Variants in VPS13B observed in about 807,000 individuals in gnomAD.
VPS13B encodes the protein vacuolar protein sorting 13 homolog B, also known as intermembrane lipid transfer protein VPS13B.
A neutral mutation model predicts 426.4 loss-of-function variants in VPS13B; 285 were observed. That is an observed-to-expected ratio of 0.67 (90% CI 0.61 to 0.74). VPS13B has a LOEUF of 0.74. Among genes scored for constraint, VPS13B ranks in the 30% least tolerant of loss-of-function variants. VPS13B has a pLI of 0.00. For missense variants in VPS13B, 4,537 were observed against 4,782.6 expected, an observed-to-expected ratio of 0.95 and a Z score of 1.51; for synonymous variants, 1,676 against 1,676.4, an observed-to-expected ratio of 1.00 and a Z score of 0.01.
At chr8:99,141,704 A>G (rs1468487398) in intron 12 of VPS13B, among the ~76,000 whole-genome samples, 1 of 152,042 alleles carries the variant, frequency 6.6e-6, no homozygotes, top group Non-Finnish European at 1.5e-5. Context: ...ACTTTAAAAT[A>G]ATCTTTGCAC....
chr8:99,562,780 A>G (rs1048142414), intron 31 of VPS13B, among the ~76,000 whole-genome samples: 1 of 152,164 alleles, frequency 6.6e-6, no homozygotes, highest in Admixed American at 6.5e-5. Flanking sequence ...GTCATCATTT[A>G]CTAAAGATAC....
chr8:99,849,012 A>C, intron 55 of VPS13B, 118 bp downstream of exon 55: 2 of 962,708 alleles, frequency 2.1e-6, no homozygotes, highest in Non-Finnish European at 3.3e-6. Flanking sequence ...GTTAATTATC[A>C]TGTAATCCAT....
At chr8:99,436,402 C>T (rs979283680) in intron 22 of VPS13B, among the ~76,000 whole-genome samples, 42 of 151,920 alleles carry the variant, frequency 2.8e-4, no homozygotes, top group African/African-American at 9.7e-4. Context: ...CTTTTTTAAT[C>T]TCTAATTATG....
At chr8:99,200,596 G>A (rs1247406543) in intron 17 of VPS13B, among the ~76,000 whole-genome samples, 3 of 152,020 alleles carry the variant, frequency 2.0e-5, no homozygotes, top group African/African-American at 7.2e-5. Context: ...AGCCATCATT[G>A]TAGGTGTGAA....
chr8:99,438,773 T>C (rs1262498171), intron 22 of VPS13B, among the ~76,000 whole-genome samples: 2 of 152,202 alleles, frequency 1.3e-5, no homozygotes, highest in African/African-American at 4.8e-5. Context: ...GGTGATAGTT[T>C]ATATATTTGT....
intron 39 of VPS13B, among the ~76,000 whole-genome samples, chr8:99,740,984 A>C (rs1333746219): frequency 3.3e-5 from 5 of 152,192 alleles, no homozygotes; most frequent in African/African-American, 1.2e-4. Context: ...TATTAACCTT[A>C]AATGTAAATG....
intron 6 of VPS13B, among the ~76,000 whole-genome samples, chr8:99,113,678 C>A (rs186635122): frequency 1.2e-3 from 186 of 152,238 alleles, no homozygotes; most frequent in African/African-American, 4.2e-3. Context: ...GATTCTCCTG[C>A]CTCAGCTTCC....
At chr8:99,210,732 A>G (rs542082588) in intron 17 of VPS13B, among the ~76,000 whole-genome samples, 29 of 152,108 alleles carry the variant, frequency 1.9e-4, no homozygotes, top group Admixed American at 1.8e-3. Context: ...TAGCCTCCCA[A>G]GTAGCTGGGA....
intron 2 of VPS13B, among the ~76,000 whole-genome samples, chr8:99,033,029 A>G (rs1398278799): frequency 6.6e-6 from 1 of 152,146 alleles, no homozygotes; most frequent in Non-Finnish European, 1.5e-5. Context: ...CAACTATACA[A>G]TTTTATCATT....
chr8:99,505,085 T>A (rs187433469), intron 27 of VPS13B, among the ~76,000 whole-genome samples: 1 of 152,364 alleles, frequency 6.6e-6, no homozygotes. Context: ...CTTCTGCAGC[T>A]TTCTTACTTC....
chr8:99,871,722 C>A lies in VPS13B; in HGVS notation c.11745+25C>A, dbSNP rs754175534. The A allele has an allele frequency of 2.5e-6, 4 of 1,612,260 alleles. No homozygotes were observed. In the African/African-American group the frequency reaches 5.3e-5, roughly 22 times the overall value. On this transcript the variant is annotated intron_variant, in intron 61 of 61. Transcript: ENST00000357162. ...GGTACGTTTCAGAAAACAGGGCAAC[C>A]AAGACTAGCTGGCCAGGGAGGTTGA...
intron 17 of VPS13B, among the ~76,000 whole-genome samples, chr8:99,250,611 A>AT (rs1413687069): frequency 8.9e-6 from 1 of 112,494 alleles, no homozygotes; most frequent in Non-Finnish European, 1.8e-5. Context: ...TATCTGGCAT[A>AT]TTTTTGTCTC....
intron 43 of VPS13B, among the ~76,000 whole-genome samples, chr8:99,793,634 C>A (rs547392476): frequency 6.6e-6 from 1 of 152,176 alleles, no homozygotes; most frequent in East Asian, 1.9e-4. Flanking sequence ...TGATGTGTTG[C>A]TAGTTTTGCT....
chr8:99,662,825 T>A (rs1441914502), intron 35 of VPS13B, among the ~76,000 whole-genome samples: 2 of 152,126 alleles, frequency 1.3e-5, no homozygotes, highest in Non-Finnish European at 2.9e-5. Flanking sequence ...GATAGGCAGA[T>A]CACTTGAGAC....
At position 99,233,630 on chromosome 8, in the gene VPS13B, A is replaced by G. The variant is rs577055052; in HGVS notation, c.2516-40568A>G. 6 of 1,151,340 alleles carry G rather than the reference A, an allele frequency of 5.2e-6. No individual in the cohort carries two copies. The African/African-American group carries it at 6.0e-5, about 12-fold the overall frequency. 71.3% of individuals were successfully genotyped at this position (1,151,340 alleles called of 1,614,324 possible). A position where few individuals can be genotyped will look rare whatever the true frequency, so the allele number is the denominator to read the frequency against. On this transcript the variant is annotated intron_variant, in intron 17 of 61. Transcript: ENST00000357162. ...CTCACGCAGCTTCTTCATAATCTCC[A>G]TCTCAGCACTGGCATAGGCCTCCAC...
chr8:99,720,839 A>T (rs1833103032), intron 38 of VPS13B, 24 bp from the exon 39 acceptor site: 1 of 1,593,454 alleles, frequency 6.3e-7, no homozygotes, highest in African/African-American at 1.3e-5. Flanking sequence ...AAATCATACA[A>T]TTAATTATAC....
rs1399719406 is a variant in VPS13B at position 99,853,446 on chromosome 8, T to G, written c.10062-5T>G. 6.2e-7 allele frequency: 1 copy of G among 1,614,160 alleles called. No homozygotes were observed. Among genetic ancestry groups the G allele is most frequent in the South Asian group, 1.1e-5 (1 of 91,038 alleles). Reference sequence around the variant, plus strand: ...GACTAATGTTCTTGTCCCTTTCTCCTCTAGAGCGCCAGAGAAGATTGTTAC... The same window carrying G: ...GACTAATGTTCTTGTCCCTTTCTCCGCTAGAGCGCCAGAGAAGATTGTTAC... On this transcript the variant is annotated splice_polypyrimidine_tract_variant and splice_region_variant and intron_variant, in intron 55 of 61. Transcript: ENST00000357162.
intron 25 of VPS13B, among the ~76,000 whole-genome samples, chr8:99,489,765 CTT>C (rs959450448): frequency 2.6e-5 from 4 of 152,314 alleles, no homozygotes; most frequent in African/African-American, 9.6e-5. Context: ...TATCCTGAGA[CTT>C]TGCCAAAGTT....
At position 99,582,496 on chromosome 8, in the gene VPS13B, T is replaced by A. The variant is rs373871538; in HGVS notation, c.5220+4863T>A. The stretch of plus-strand genomic sequence containing the variant: ...TCTGCACTTCCTTTCTACACTTCCA[T>A]CTTCCCAGTATTCTTATATCATATT... On this transcript the variant is annotated intron_variant, in intron 33 of 61. Transcript: ENST00000357162. Among the ~76,000 whole-genome samples, 28 of 152,352 alleles carry A rather than the reference T, an allele frequency of 1.8e-4. 2 individuals carry two copies. The highest frequency in any genetic ancestry group is 6.5e-4 in the African/African-American group (27 of 41,594).
Sources: gnomAD v4.1 joint callset for allele counts (sites outside exome capture counted in the v4.1 genomes callset) on GRCh38, gnomAD v4.1.1 for gene constraint, MANE v1.5 for transcripts, NCBI Gene and HGNC (gene_info 2026-07-23, HGNC 2026-07-21) for gene names.